OR5H1: variants seen among roughly 807,000 people sequenced by gnomAD.
The protein encoded by OR5H1 is olfactory receptor family 5 subfamily H member 1, also known as olfactory receptor 5H1.
For synonymous variants in OR5H1, 124 were observed against 134.4 expected (o/e 0.92, Z 0.54); for missense variants, 378 against 366.8 (o/e 1.03, Z -0.25).
At position 98,137,866 on chromosome 3, in the gene OR5H1, T is replaced by C. The variant is rs1479892765; in HGVS notation, c.*4227T>C. The C allele has an allele frequency of 6.6e-6, 1 of 152,206 alleles. No homozygotes were observed. Among genetic ancestry groups the C allele is most frequent in the Non-Finnish European group, 1.5e-5 (1 of 68,032 alleles). The allele number at this position is 152,206 out of a possible 1,614,324, so 9.4% of individuals were successfully genotyped here. On this transcript the variant is annotated 3_prime_UTR_variant, in exon 2 of 2. Coordinates refer to ENST00000641874, the MANE Select transcript of OR5H1 (RefSeq NM_001005338.2). ...GTTTAAAAGTTCATTTATAAACGTA[T>C]ATTGTACTTACATCTATTTAATTCA... is the stretch of plus-strand genomic sequence containing the variant.
rs1708278766 is a variant in OR5H1 at position 98,133,178 on chromosome 3, G to A, written c.481G>A (p.Gly161Arg). The A allele has an allele frequency of 6.2e-7, 1 of 1,613,000 alleles. No homozygotes were observed. Among genetic ancestry groups the A allele is most frequent in the Non-Finnish European group, 8.5e-7 (1 of 1,179,572 alleles). The change falls in exon 2 of 2, where the codon GGA (glycine) becomes AGA (arginine). Residue 161 changes from glycine to arginine, a missense_variant. Coordinates refer to ENST00000641874, the MANE Select transcript of OR5H1 (RefSeq NM_001005338.2). ...GGILHALIHE[G>R]FLFRLTFCNS... is the part of the protein sequence containing the mutation. Reference sequence around the variant, plus strand: ...TATTCTTCATGCTTTAATCCATGAAGGATTTTTATTCAGACTAACCTTCTG... The same window carrying A: ...TATTCTTCATGCTTTAATCCATGAAAGATTTTTATTCAGACTAACCTTCTG...
Position 98,137,524 on chromosome 3 carries a change from C to T in OR5H1, c.*3885C>T, listed in dbSNP as rs376465168. On this transcript the variant is annotated 3_prime_UTR_variant, in exon 2 of 2. Transcript: ENST00000641874. Reference sequence around the variant, plus strand: ...GGCATTTTACAGATTGGCAAATCTACGAATATACAATTTCATAATTCCTAG... The same window carrying T: ...GGCATTTTACAGATTGGCAAATCTATGAATATACAATTTCATAATTCCTAG... 9 of 152,226 alleles carry T rather than the reference C, an allele frequency of 5.9e-5. No individual in the cohort carries two copies. The highest frequency in any genetic ancestry group is 1.3e-4 in the Admixed American group (2 of 15,286). 9.4% of individuals were successfully genotyped at this position (152,226 alleles called of 1,614,324 possible).
Position 98,133,387 on chromosome 3 carries a change from T to G in OR5H1, c.690T>G (p.Ser230=), listed in dbSNP as rs754830068. 2 of 1,613,278 alleles carry G rather than the reference T, an allele frequency of 1.2e-6. No homozygotes were observed. The highest frequency in any genetic ancestry group is 1.7e-6 in the Non-Finnish European group (2 of 1,179,578). ...FVLFAILKKK[S]DKGVRKAFST... Reference sequence around the variant, plus strand: ...TCTTCGCAATCTTAAAAAAGAAATCTGATAAAGGTGTAAGGAAAGCCTTTT... The same window carrying G: ...TCTTCGCAATCTTAAAAAAGAAATCGGATAAAGGTGTAAGGAAAGCCTTTT... Residue 230 remains serine, a synonymous_variant, in exon 2 of 2, where the codon TCT becomes TCG. Transcript: ENST00000641874.
rs1054488622 is a variant in OR5H1 at position 98,133,795 on chromosome 3, T to C, written c.*156T>C. On this transcript the variant is annotated 3_prime_UTR_variant, in exon 2 of 2. Transcript: ENST00000641874. Reference sequence around the variant, plus strand: ...TAATAAACTAATCGCAATATGTCTATATGTTATTCAAAAGCATTCAAGAAA... The same window carrying C: ...TAATAAACTAATCGCAATATGTCTACATGTTATTCAAAAGCATTCAAGAAA... 6 of 599,960 alleles carry C rather than the reference T, an allele frequency of 1.0e-5. No individual in the cohort carries two copies. Among genetic ancestry groups the C allele is most frequent in the African/African-American group, 9.3e-5 (5 of 53,756 alleles). 37.2% of individuals were successfully genotyped at this position (599,960 alleles called of 1,614,324 possible).
At position 98,133,771 on chromosome 3, in the gene OR5H1, A is replaced by G. The variant is rs1390623083; in HGVS notation, c.*132A>G. ...TTAGTGAGCTAATGTTTTAGTACCT[A>G]ATAAACTAATCGCAATATGTCTATA... On this transcript the variant is annotated 3_prime_UTR_variant, in exon 2 of 2. Transcript: ENST00000641874. The G allele has an allele frequency of 1.5e-6, 1 of 683,040 alleles. No homozygotes were observed. Among genetic ancestry groups the G allele is most frequent in the Non-Finnish European group, 2.5e-6 (1 of 402,420 alleles). 42.3% of individuals were successfully genotyped at this position (683,040 alleles called of 1,614,324 possible).
Position 98,136,388 on chromosome 3 carries a change from T to C in OR5H1, c.*2749T>C, listed in dbSNP as rs892589445. 2 of 152,270 alleles carry C rather than the reference T, an allele frequency of 1.3e-5. No individual in the cohort carries two copies. Among genetic ancestry groups the C allele is most frequent in the East Asian group, 3.9e-4 (2 of 5,180 alleles). 9.4% of individuals were successfully genotyped at this position (152,270 alleles called of 1,614,324 possible). Reference sequence around the variant, plus strand: ...TAAAGTCACACCAACAACATACCATTAGTTTCACCTGCAACACTGATACAT... The same window carrying C: ...TAAAGTCACACCAACAACATACCATCAGTTTCACCTGCAACACTGATACAT... On this transcript the variant is annotated 3_prime_UTR_variant, in exon 2 of 2. Transcript: ENST00000641874.
chr3:98,133,706 A>G lies in OR5H1; in HGVS notation c.*67A>G, dbSNP rs1219548152. Reference sequence around the variant, plus strand: ...AGTTAGAGGTACCTATGTTGTTTCCAGTGTTCAAACATTTTTGCAAGTACA... The same window carrying G: ...AGTTAGAGGTACCTATGTTGTTTCCGGTGTTCAAACATTTTTGCAAGTACA... On this transcript the variant is annotated 3_prime_UTR_variant, in exon 2 of 2. Coordinates refer to ENST00000641874, the MANE Select transcript of OR5H1 (RefSeq NM_001005338.2). 5.9e-6 allele frequency: 8 copies of G among 1,347,612 alleles called. No individual in the cohort carries two copies. The highest frequency in any genetic ancestry group is 7.2e-6 in the Non-Finnish European group (7 of 966,490). The allele number at this position is 1,347,612 out of a possible 1,614,324, so 83.5% of individuals were successfully genotyped here. A position where few individuals can be genotyped will look rare whatever the true frequency, so the allele number is the denominator to read the frequency against.
Position 98,134,718 on chromosome 3 carries a change from C to T in OR5H1, c.*1079C>T, listed in dbSNP as rs1708300270. 1.3e-5 allele frequency: 2 copies of T among 152,158 alleles called. No homozygotes were observed. Among genetic ancestry groups the T allele is most frequent in the South Asian group, 4.1e-4 (2 of 4,824 alleles). 9.4% of individuals were successfully genotyped at this position (152,158 alleles called of 1,614,324 possible). A position where few individuals can be genotyped will look rare whatever the true frequency, so the allele number is the denominator to read the frequency against. On this transcript the variant is annotated 3_prime_UTR_variant, in exon 2 of 2. Coordinates refer to ENST00000641874, the MANE Select transcript of OR5H1 (RefSeq NM_001005338.2). ...CATCTTTCTACCAGTCCACCCTCTC[C>T]TTCATCTTTCAATACTGAAATTCCT...
chr3:98,133,061 C>A lies in OR5H1; in HGVS notation c.364C>A (p.Arg122Ser). ...TCTCTTGGCAACGATGGCATATGATCGCTATGTAGCCATATGCAAACCTTT... is the reference window on the plus strand; with the variant it reads ...TCTCTTGGCAACGATGGCATATGATAGCTATGTAGCCATATGCAAACCTTT... The part of the protein sequence containing the change: ...CFLLATMAYD[R>S]YVAICKPLLY... The change falls in exon 2 of 2, where the codon CGC (arginine) becomes AGC (serine). Residue 122 changes from arginine to serine, a missense_variant. Arg to Ser is a moderately radical substitution (Grantham distance 110). Transcript: ENST00000641874. 2 of 1,613,582 alleles carry A rather than the reference C, an allele frequency of 1.2e-6. No homozygotes were observed. Among genetic ancestry groups the A allele is most frequent in the Middle Eastern group, 3.3e-4 (2 of 6,054 alleles).
In OR5H1 at chr3:98,132,652, C is replaced by T. The variant is rs544417501; in HGVS notation, c.-18-28C>T. The T allele has an allele frequency of 2.5e-6, 4 of 1,599,744 alleles. No individual in the cohort carries two copies. The Admixed American group carries it at 5.1e-5, about 20-fold the overall frequency. On this transcript the variant is annotated intron_variant, in intron 1 of 1. Coordinates refer to ENST00000641874, the MANE Select transcript of OR5H1 (RefSeq NM_001005338.2). Reference sequence around the variant, plus strand: ...AACTGATAATGCCATTGCAAATGTTCCCTTTCATTTGTTGCATTTTATTTT... The same window carrying T: ...AACTGATAATGCCATTGCAAATGTTTCCTTTCATTTGTTGCATTTTATTTT...
Position 98,133,070 on chromosome 3 carries a change from G to A in OR5H1, c.373G>A (p.Ala125Thr), listed in dbSNP as rs1222995824. 2.5e-6 allele frequency: 4 copies of A among 1,613,484 alleles called. No homozygotes were observed. Among genetic ancestry groups the A allele is most frequent in the Non-Finnish European group, 3.4e-6 (4 of 1,179,690 alleles). ...AACGATGGCATATGATCGCTATGTAGCCATATGCAAACCTTTACTTTATCC... is the reference window on the plus strand; with the variant it reads ...AACGATGGCATATGATCGCTATGTAACCATATGCAAACCTTTACTTTATCC... ...LATMAYDRYV[A>T]ICKPLLYPAI... Residue 125 changes from alanine (A) to threonine (T), a missense_variant, in exon 2 of 2, where the codon GCC (alanine) becomes ACC (threonine). Physicochemically the swap from Ala to Thr is moderately conservative, Grantham distance 58. Transcript: ENST00000641874.
chr3:98,133,769 C>T lies in OR5H1; in HGVS notation c.*130C>T, dbSNP rs111497990. 528 of 681,958 alleles carry T rather than the reference C, an allele frequency of 7.7e-4. 3 individuals carry two copies. The African/African-American group carries it at 7.8e-3, about 10-fold the overall frequency. The allele number at this position is 681,958 out of a possible 1,614,324, so 42.2% of individuals were successfully genotyped here. On this transcript the variant is annotated 3_prime_UTR_variant, in exon 2 of 2. Transcript: ENST00000641874. ...CTTTAGTGAGCTAATGTTTTAGTAC[C>T]TAATAAACTAATCGCAATATGTCTA...
At chr3:98,130,930 A>G (rs1708249001) in intron 1 of OR5H1, 80 bp downstream of exon 1, 2 of 152,128 alleles carry the variant, frequency 1.3e-5, no homozygotes, top group South Asian at 4.1e-4. Context: ...TTAAAATTTT[A>G]GATTGGGTAA....
intron 1 of OR5H1, among the ~76,000 whole-genome samples, 170 bp downstream of exon 1, chr3:98,131,020 T>C (rs1708250284): frequency 6.6e-6 from 1 of 152,130 alleles, no homozygotes; most frequent in African/African-American, 2.4e-5. Flanking sequence ...GACTCTAATA[T>C]GGATAAAGAG....
rs1708308831 is a variant in OR5H1 at position 98,135,596 on chromosome 3, A to AGTG, written c.*1957_*1958insGTG. 1 of 152,118 alleles carries AGTG rather than the reference A, an allele frequency of 6.6e-6. No homozygotes were observed. The highest frequency in any genetic ancestry group is 1.5e-5 in the Non-Finnish European group (1 of 68,016). The allele number at this position is 152,118 out of a possible 1,614,324, so 9.4% of individuals were successfully genotyped here. On this transcript the variant is annotated 3_prime_UTR_variant, in exon 2 of 2. Coordinates refer to ENST00000641874, the MANE Select transcript of OR5H1 (RefSeq NM_001005338.2). ...ATGGACACTTCGTTTTTGTTATTCT[A>AGTG]ATCATAGTGAGAAAATCTGGCACAG...
At chr3:98,132,067 C>T (rs988370573) in intron 1 of OR5H1, among the ~76,000 whole-genome samples, 56 of 151,962 alleles carry the variant, frequency 3.7e-4, no homozygotes, top group Admixed American at 3.7e-3. Context: ...CCTTAAATAA[C>T]TTCTACATTA....
Position 98,132,706 on chromosome 3 carries a change from G to A in OR5H1, c.9G>A (p.Glu3=). Residue 3 remains glutamate (E), a synonymous_variant, in exon 2 of 2, where the codon GAG becomes GAA. Transcript: ENST00000641874. ...GGGCATGCTGTGAGGACATGGAAGA[G>A]GAAAATGCAACATTGCTGACAGAGT... ME[E]ENATLLTEFV... is the part of the protein sequence containing the mutation. The A allele has an allele frequency of 6.2e-7, 1 of 1,612,604 alleles. No individual in the cohort carries two copies. The highest frequency in any genetic ancestry group is 8.5e-7 in the Non-Finnish European group (1 of 1,179,110).
intron 1 of OR5H1, among the ~76,000 whole-genome samples, chr3:98,131,992 T>C (rs1025285488): frequency 7.9e-5 from 12 of 152,072 alleles, no homozygotes; most frequent in African/African-American, 2.7e-4. Context: ...ACCAAGACCA[T>C]ACATTTAACA....
rs1708309919 is a variant in OR5H1 at position 98,135,701 on chromosome 3, T to TAGTA, written c.*2063_*2066dup. On this transcript the variant is annotated 3_prime_UTR_variant, in exon 2 of 2. Transcript: ENST00000641874. ...AAGATGACAATGACTATCACAAACA[T>TAGTA]AGTACCAAGGGACTGGGGTATGCTC... The TAGTA allele has an allele frequency of 6.6e-6, 1 of 152,134 alleles. No homozygotes were observed. The highest frequency in any genetic ancestry group is 1.5e-5 in the Non-Finnish European group (1 of 68,020). 9.4% of individuals were successfully genotyped at this position (152,134 alleles called of 1,614,324 possible). A position where few individuals can be genotyped will look rare whatever the true frequency, so the allele number is the denominator to read the frequency against.
Sources: gnomAD v4.1 joint callset for allele counts (sites outside exome capture counted in the v4.1 genomes callset) on GRCh38, gnomAD v4.1.1 for gene constraint, MANE v1.5 for transcripts, NCBI Gene and HGNC (gene_info 2026-07-23, HGNC 2026-07-21) for gene names.